The following SCLT1 variants were observed in gnomAD, a reference collection of about 807,000 sequenced individuals.
SCLT1 encodes sodium channel and clathrin linker 1.
A neutral mutation model predicts 112.8 loss-of-function variants in SCLT1; 78 were observed. That is an observed-to-expected ratio of 0.69 (90% CI 0.58 to 0.83). The LOEUF (loss-of-function observed/expected upper bound fraction) is 0.83. Ranked by LOEUF, SCLT1 falls within the 40% of genes least tolerant of loss-of-function variation. The probability of loss-of-function intolerance (pLI) is 0.00; values close to 1 mark genes in which losing one functional copy is unlikely to be tolerated. For synonymous variants in SCLT1, 257 were observed against 254.7 expected, an observed-to-expected ratio of 1.01 and a Z score of -0.09; for missense variants, 747 against 770.4, an observed-to-expected ratio of 0.97 and a Z score of 0.36.
At position 128,952,814 on chromosome 4, in the gene SCLT1, A is replaced by G. The variant is rs1560885632; in HGVS notation, c.1173T>C (p.Asn391=). ...KEVANTKKQC[N]IQISRLTEEL... is the part of the protein sequence containing the mutation. ...CTTCTGTTAATCGAGAAATTTGTAT[A>G]TTACATTGTTTTTTGGTGTTTGCAA... is the stretch of plus-strand genomic sequence containing the variant. The change falls in exon 14 of 21, where the codon AAT becomes AAC. Residue 391 remains asparagine (N), a synonymous_variant. Coordinates refer to ENST00000281142, the MANE Select transcript of SCLT1 (RefSeq NM_144643.4). 1 of 1,569,652 alleles carries G rather than the reference A, an allele frequency of 6.4e-7. No homozygotes were observed.
At chr4:128,875,360 A>G (rs559147278) in intron 4 of SCLT1, 1 of 152,590 alleles carries the variant, frequency 6.6e-6, no homozygotes, top group South Asian at 2.1e-4. Context: ...AAATTTGTGC[A>G]GAGCACAGAT....
intron 5 of SCLT1, among the ~76,000 whole-genome samples, chr4:129,034,329 T>C (rs1746998668): frequency 6.6e-6 from 1 of 151,974 alleles, no homozygotes; most frequent in Admixed American, 6.6e-5. Flanking sequence ...TGATTATCAT[T>C]AGTCAAATTA....
intron 9 of SCLT1, among the ~76,000 whole-genome samples, chr4:128,985,019 C>T (rs2126058326): frequency 6.6e-6 from 1 of 152,174 alleles, no homozygotes; most frequent in African/African-American, 2.4e-5. Context: ...ACCCATGTTG[C>T]TCTAACTACA....
chr4:128,965,438 T>TA (rs1274063792), intron 10 of SCLT1, 120 bp from the exon 11 acceptor site: 16 of 671,208 alleles, frequency 2.4e-5, no homozygotes, highest in Non-Finnish European at 4.2e-5. Context: ...TTCTAACACT[T>TA]ACGTTAAAAG....
Position 129,006,013 on chromosome 4 carries a change from T to C in SCLT1, c.291-2137A>G, listed in dbSNP as rs1485352695. 1.0e-4 allele frequency among the ~76,000 whole-genome samples: 10 copies of C among 97,378 alleles called. No individual in the cohort carries two copies. The East Asian group carries it at 2.9e-3, about 29-fold the overall frequency. 63.9% of individuals were successfully genotyped at this position (97,378 alleles called of 152,430 possible). Reference sequence around the variant, plus strand: ...GGGGAACATCACACTCTGGGGACTGTTGTGGGGTGGGGGGAGGGGGGAGGG... The same window carrying C: ...GGGGAACATCACACTCTGGGGACTGCTGTGGGGTGGGGGGAGGGGGGAGGG... On this transcript the variant is annotated intron_variant, in intron 5 of 20. Coordinates refer to ENST00000281142, the MANE Select transcript of SCLT1 (RefSeq NM_144643.4).
intron 2 of SCLT1, among the ~76,000 whole-genome samples, chr4:129,059,629 A>G (rs1749771532): frequency 6.6e-6 from 1 of 152,130 alleles, no homozygotes; most frequent in African/African-American, 2.4e-5. Flanking sequence ...TGCTGGGTAT[A>G]GTATTCTTGG....
Position 128,888,750 on chromosome 4 carries a change from G to C in SCLT1, c.1933C>G (p.Gln645Glu), listed in dbSNP as rs201260499. ...CTTTGAAGTCTGTTGGCTTTTTCTT[G>C]ATGCTCTAGAATTAGCTTTTCATTC... ...AENEKLILEH[Q>E]EKANRLQRRL... The change falls in exon 20 of 21, where the codon CAA becomes GAA. Residue 645 changes from glutamine to glutamate, a missense_variant. By Grantham distance (29) the Gln-to-Glu change is conservative. Coordinates refer to ENST00000281142, the MANE Select transcript of SCLT1 (RefSeq NM_144643.4). The C allele has an allele frequency of 1.1e-5, 17 of 1,610,724 alleles. No individual in the cohort carries two copies. The Admixed American group carries it at 2.0e-4, about 19-fold the overall frequency.
intron 11 of SCLT1, among the ~76,000 whole-genome samples, chr4:128,961,069 CT>C: frequency 6.6e-6 from 1 of 150,904 alleles, no homozygotes; most frequent in South Asian, 2.1e-4. Flanking sequence ...CTTCGCCACA[CT>C]AAAAATTTAA....
At chr4:128,990,386 A>C (rs1327641945) in intron 9 of SCLT1, among the ~76,000 whole-genome samples, 2 of 152,030 alleles carry the variant, frequency 1.3e-5, no homozygotes, top group Non-Finnish European at 2.9e-5. Context: ...GATAAAATTC[A>C]ACATCTCTTT....
chr4:129,043,332 T>C, intron 4 of SCLT1, 63 bp downstream of exon 4: 1 of 825,306 alleles, frequency 1.2e-6, no homozygotes, highest in Admixed American at 2.4e-5. Context: ...AAAGAGGGAG[T>C]CTATTTTACT....
intron 18 of SCLT1, among the ~76,000 whole-genome samples, chr4:128,895,170 C>T (rs1167199122): frequency 1.3e-5 from 2 of 152,258 alleles, no homozygotes; most frequent in Admixed American, 6.5e-5. Flanking sequence ...ATATGTAAAG[C>T]ACTCTACCAC....
At chr4:129,053,134 T>C (rs949192826) in intron 2 of SCLT1, among the ~76,000 whole-genome samples, 2 of 152,058 alleles carry the variant, frequency 1.3e-5, no homozygotes, top group African/African-American at 4.8e-5. Flanking sequence ...TGCTGAGGAG[T>C]GTTTTACTTC....
chr4:128,894,733 C>T (rs1733606384), intron 18 of SCLT1, among the ~76,000 whole-genome samples: 1 of 151,942 alleles, frequency 6.6e-6, no homozygotes, highest in South Asian at 2.1e-4. Context: ...GGCTTGAGTG[C>T]AGTGGCGTGA....
intron 5 of SCLT1, among the ~76,000 whole-genome samples, chr4:129,032,562 A>G (rs1320703020): frequency 6.6e-6 from 1 of 152,132 alleles, no homozygotes; most frequent in African/African-American, 2.4e-5. Context: ...AACCTACAGA[A>G]TGGGAGAAAA....
chr4:128,943,818 T>C (rs1737917732), intron 16 of SCLT1, among the ~76,000 whole-genome samples: 1 of 152,148 alleles, frequency 6.6e-6, no homozygotes, highest in Non-Finnish European at 1.5e-5. Flanking sequence ...TCCTATCTTT[T>C]AAAACTTCCA....
At chr4:129,021,139 G>C (rs943882386) in intron 5 of SCLT1, among the ~76,000 whole-genome samples, 1 of 152,162 alleles carries the variant, frequency 6.6e-6, no homozygotes, top group Admixed American at 6.5e-5. Flanking sequence ...CTTTACCCAG[G>C]AAGTGCAAGG....
At chr4:129,026,740 C>A (rs1579755716) in intron 5 of SCLT1, among the ~76,000 whole-genome samples, 1 of 152,116 alleles carries the variant, frequency 6.6e-6, no homozygotes, top group East Asian at 1.9e-4. Flanking sequence ...AAAAACCCTT[C>A]AAAAAATTAA....
chr4:129,009,115 C>T lies in SCLT1; in HGVS notation c.291-5239G>A, dbSNP rs545690104. 2.0e-4 allele frequency among the ~76,000 whole-genome samples: 31 copies of T among 152,140 alleles called. No individual in the cohort carries two copies. In the South Asian group the frequency reaches 2.3e-3, roughly 11 times the overall value. On this transcript the variant is annotated intron_variant, in intron 5 of 20. Transcript: ENST00000281142. ...TCTTTGTCATTGTGAATAACTGTTC[C>T]GATGAACATGTGAGTGCATGTGTCT...
chr4:129,003,690 A>C, intron 6 of SCLT1, 51 bp downstream of exon 6: 1 of 1,362,218 alleles, frequency 7.3e-7, no homozygotes, highest in Non-Finnish European at 1.0e-6. Flanking sequence ...ATGAATTTTT[A>C]AAAAGGTATG....
Sources: gnomAD v4.1 joint callset for allele counts (sites outside exome capture counted in the v4.1 genomes callset) on GRCh38, gnomAD v4.1.1 for gene constraint, MANE v1.5 for transcripts, NCBI Gene and HGNC (gene_info 2026-07-23, HGNC 2026-07-21) for gene names.